Variants in VWA5B1 observed in about 807,000 individuals in gnomAD.
VWA5B1 encodes the protein von Willebrand factor A domain-containing protein 5B1.
Under a neutral mutation model 118.2 loss-of-function variants are expected in VWA5B1, and 115 were observed. The ratio of observed to expected loss-of-function variants is 0.97; its 90% CI spans 0.84 to 1.14. VWA5B1 has a LOEUF of 1.14. Ranked by LOEUF, VWA5B1 falls within the 50% of genes most tolerant of loss-of-function variation. VWA5B1 has a pLI of 0.00. For synonymous variants in VWA5B1, 682 were observed against 658.4 expected, an observed-to-expected ratio of 1.04 and a Z score of -0.55; for missense variants, 1,596 against 1,603.8, an observed-to-expected ratio of 1.00 and a Z score of 0.08.
At chr1:20,344,514 C>A (rs748988626) in intron 16 of VWA5B1, among the ~76,000 whole-genome samples, 1 of 152,108 alleles carries the variant, frequency 6.6e-6, no homozygotes, top group Non-Finnish European at 1.5e-5. Flanking sequence ...AATCATTACA[C>A]AAATAATTAA....
chr1:20,328,203 G>A (rs1418900250), intron 9 of VWA5B1, among the ~76,000 whole-genome samples: 1 of 152,108 alleles, frequency 6.6e-6, no homozygotes, highest in Non-Finnish European at 1.5e-5. Flanking sequence ...TCAGCCTTCT[G>A]ACATCCCCTC....
chr1:20,328,951 T>C (rs1436896023), intron 9 of VWA5B1, among the ~76,000 whole-genome samples: 1 of 152,230 alleles, frequency 6.6e-6, no homozygotes, highest in Non-Finnish European at 1.5e-5. Flanking sequence ...AAGATAGGAT[T>C]AGGCCTTCCA....
At chr1:20,333,432 G>A (rs1357305654) in intron 12 of VWA5B1, among the ~76,000 whole-genome samples, 3 of 152,328 alleles carry the variant, frequency 2.0e-5, no homozygotes, top group Non-Finnish European at 2.9e-5. Context: ...AGCTAAGATC[G>A]TGCCATTGCA....
intron 14 of VWA5B1, among the ~76,000 whole-genome samples, chr1:20,341,714 A>G (rs2089879246): frequency 6.6e-6 from 1 of 152,192 alleles, no homozygotes. Context: ...GTATTTCTCC[A>G]TTTATCCCTT....
At chr1:20,336,203 T>C (rs533726305) in intron 12 of VWA5B1, 100 bp from the exon 13 acceptor site, 4 of 1,102,888 alleles carry the variant, frequency 3.6e-6, no homozygotes, top group Admixed American at 4.2e-5. Flanking sequence ...TCTTCAGAGA[T>C]GAAAACCGCA....
intron 14 of VWA5B1, chr1:20,338,052 A>G: frequency 8.6e-6 from 6 of 697,558 alleles, no homozygotes; most frequent in Admixed American, 2.0e-5. Flanking sequence ...CATTCCCTGC[A>G]CACACACTGC....
At chr1:20,349,281 G>T in intron 18 of VWA5B1, 1 of 377,148 alleles carries the variant, frequency 2.7e-6, no homozygotes, top group Non-Finnish European at 5.4e-6. Flanking sequence ...TGAACTTCCA[G>T]TCTTCAGGAA....
chr1:20,332,816 T>C lies in VWA5B1; in HGVS notation c.1623T>C (p.Thr541=). 1 of 1,551,834 alleles carries C rather than the reference T, an allele frequency of 6.4e-7. No homozygotes were observed. The highest frequency in any genetic ancestry group is 8.7e-7 in the Non-Finnish European group (1 of 1,147,028). ...KAMAPVLSDV[T]VEWIFPETTE... The stretch of plus-strand genomic sequence containing the variant: ...TGGCCCCAGTCCTGAGCGATGTGAC[T>C]GTGGAGTGGATCTTCCCTGAGACCA... The change falls in exon 12 of 22, where the codon ACT becomes ACC. Residue 541 remains threonine, a synonymous_variant. Coordinates refer to ENST00000289815, the MANE Select transcript of VWA5B1 (RefSeq NM_001039500.3).
intron 12 of VWA5B1, among the ~76,000 whole-genome samples, 164 bp downstream of exon 12, chr1:20,333,115 C>G (rs1178798228): frequency 1.3e-5 from 2 of 152,204 alleles, no homozygotes; most frequent in African/African-American, 2.4e-5. Context: ...GTTGCCAGGC[C>G]ACAGGCATTC....
chr1:20,331,519 A>C (rs2089554820), intron 11 of VWA5B1, among the ~76,000 whole-genome samples: 1 of 152,244 alleles, frequency 6.6e-6, no homozygotes. Context: ...AAGCAGGAAG[A>C]AAAACTCTTC....
chr1:20,295,089 G>A (rs539906925), intron 1 of VWA5B1, among the ~76,000 whole-genome samples: 1 of 152,276 alleles, frequency 6.6e-6, no homozygotes, highest in Admixed American at 6.5e-5. Context: ...ATCACTCCTA[G>A]ATAAAGGGGT....
chr1:20,306,029 A>G (rs1016104760), intron 1 of VWA5B1, among the ~76,000 whole-genome samples: 3 of 152,178 alleles, frequency 2.0e-5, no homozygotes, highest in Admixed American at 1.3e-4. Flanking sequence ...TCGATAAGAA[A>G]AACAGGCCCC....
At chr1:20,325,862 T>C (rs1270428325) in intron 8 of VWA5B1, among the ~76,000 whole-genome samples, 1 of 152,174 alleles carries the variant, frequency 6.6e-6, no homozygotes, top group Non-Finnish European at 1.5e-5. Context: ...GCTTGGGTCC[T>C]TAATTGTGAC....
In VWA5B1 at chr1:20,318,629, C is replaced by G; in HGVS notation, c.749C>G (p.Ala250Gly). ...ACTCATGAGATTCGTGCCGACGCCG[C>G]CCCATCTGCCCGCTCGGCCAAGAGC... ...SPTHEIRADA[A>G]PSARSAKSII... Residue 250 changes from alanine (A) to glycine (G), a missense_variant, in exon 6 of 22, where the codon GCC becomes GGC. By Grantham distance (60) the Ala-to-Gly change is moderately conservative. Coordinates refer to ENST00000289815, the MANE Select transcript of VWA5B1 (RefSeq NM_001039500.3). 6.4e-7 allele frequency: 1 copy of G among 1,551,186 alleles called. No individual in the cohort carries two copies. Among genetic ancestry groups the G allele is most frequent in the Non-Finnish European group, 8.7e-7 (1 of 1,146,768 alleles).
chr1:20,298,366 A>T (rs2088446460), intron 1 of VWA5B1, among the ~76,000 whole-genome samples: 1 of 152,160 alleles, frequency 6.6e-6, no homozygotes, highest in East Asian at 1.9e-4. Context: ...ACTGCTTACA[A>T]TTCCATCATT....
chr1:20,344,440 C>G (rs1372107403), intron 16 of VWA5B1, among the ~76,000 whole-genome samples: 1 of 152,214 alleles, frequency 6.6e-6, no homozygotes, highest in Non-Finnish European at 1.5e-5. Context: ...AGTGAAAAAG[C>G]AATCTCCATC....
At chr1:20,347,342 A>T (rs1189068979) in intron 17 of VWA5B1, among the ~76,000 whole-genome samples, 1 of 152,238 alleles carries the variant, frequency 6.6e-6, no homozygotes, top group African/African-American at 2.4e-5. Flanking sequence ...TTGTTTCCCA[A>T]CACAACTCTA....
chr1:20,303,354 G>A (rs2088551075), intron 1 of VWA5B1: 1 of 152,418 alleles, frequency 6.6e-6, no homozygotes, highest in Non-Finnish European at 1.5e-5. Flanking sequence ...ATGAGGGTGA[G>A]TTGCTTCCAG....
intron 1 of VWA5B1, among the ~76,000 whole-genome samples, chr1:20,292,154 C>A (rs899783675): frequency 6.6e-6 from 1 of 151,402 alleles, no homozygotes; most frequent in Non-Finnish European, 1.5e-5. Context: ...TTCTTTCTCT[C>A]TCTCTCTTTC....
Sources: gnomAD v4.1 joint callset for allele counts (sites outside exome capture counted in the v4.1 genomes callset) on GRCh38, gnomAD v4.1.1 for gene constraint, MANE v1.5 for transcripts, NCBI Gene and HGNC (gene_info 2026-07-23, HGNC 2026-07-21) for gene names.